The following PCNX1 variants were observed in gnomAD, a reference collection of about 807,000 sequenced individuals.
PCNX1 encodes the protein pecanex 1, also known as pecanex-like protein 1.
Under a neutral mutation model 242.2 loss-of-function variants are expected in PCNX1, and 78 were observed. The observed-to-expected ratio is 0.32, with a 90% CI of 0.27 to 0.39. PCNX1 has a LOEUF of 0.39. Among genes scored for constraint, PCNX1 ranks in the 10% least tolerant of loss-of-function variants. The pLI is 1.00. For missense variants in PCNX1, 2,581 were observed against 2,856.5 expected (o/e 0.90, Z 2.20); for synonymous variants, 1,024 against 1,032.9 (o/e 0.99, Z 0.17).
chr14:71,038,920 T>C (rs2060624798), intron 19 of PCNX1, among the ~76,000 whole-genome samples: 1 of 151,148 alleles, frequency 6.6e-6, no homozygotes, highest in African/African-American at 2.4e-5. Context: ...ATGTCCTTTG[T>C]AGGGACATGG....
rs558318376 is a variant in PCNX1, at chr14:70,995,855, G to A, written c.2559G>A (p.Gly853=). ...SASASLLVRN[G]SVHLEASHDN... ...GTGCCTCCTTGCTGGTGAGAAATGG[G>A]AGTGTCCACTTAGAAGCATCACATG... Residue 853 remains glycine (G), a synonymous_variant, in exon 8 of 36, where the codon GGG becomes GGA. Coordinates refer to ENST00000304743, the MANE Select transcript of PCNX1 (RefSeq NM_014982.3). 17 of 1,614,094 alleles carry A rather than the reference G, an allele frequency of 1.1e-5. No individual in the cohort carries two copies. Among genetic ancestry groups the A allele is most frequent in the Admixed American group, 1.7e-5 (1 of 60,026 alleles).
chr14:70,994,396 G>GATATATATATATGTATATATAT (rs2059267360), intron 7 of PCNX1, among the ~76,000 whole-genome samples: 1 of 96,970 alleles, frequency 1.0e-5, no homozygotes, highest in Non-Finnish European at 2.2e-5. Context: ...ACAGGCTTAA[G>GATATATATATATGTATATATAT]ATATATATAT....
chr14:71,093,153 C>CT (rs375362357), intron 30 of PCNX1: 524 of 152,190 alleles, frequency 3.4e-3, no homozygotes, highest in African/African-American at 0.012. Flanking sequence ...TCATGAAAGT[C>CT]TAGAAAGATT....
chr14:71,050,839 C>CA, intron 23 of PCNX1, 79 bp downstream of exon 23: 2 of 1,303,272 alleles, frequency 1.5e-6, no homozygotes, highest in Non-Finnish European at 1.1e-6. Context: ...CATGACCTTT[C>CA]ATGGTGTAAG....
At position 70,962,292 on chromosome 14, in the gene PCNX1, T is replaced by G; in HGVS notation, c.429T>G (p.Ser143Arg). The change falls in exon 3 of 36, where the codon AGT becomes AGG. Residue 143 changes from serine (S) to arginine (R), a missense_variant. Ser to Arg is a moderately radical substitution (Grantham distance 110). This residue lies in a region of PCNX1 where 1,204 missense variants were observed against 1,216.7 expected (regional missense o/e 0.99). Transcript: ENST00000304743. ...IREATPPVGC[S>R]SRNSYAGLDP... ...AGGCCACACCCCCAGTTGGTTGCAG[T>G]TCCAGAAATTCTTATGCCGGTCTAG... 1 of 1,613,526 alleles carries G rather than the reference T, an allele frequency of 6.2e-7. No homozygotes were observed. Among genetic ancestry groups the G allele is most frequent in the South Asian group, 1.1e-5 (1 of 91,058 alleles).
At chr14:70,998,198 A>G (rs190726356) in intron 8 of PCNX1, among the ~76,000 whole-genome samples, 7 of 152,196 alleles carry the variant, frequency 4.6e-5, no homozygotes, top group Non-Finnish European at 4.4e-5. Flanking sequence ...TGTTTTCTAC[A>G]TCTTTATTTT....
chr14:70,999,626 C>T (rs2059446752), intron 8 of PCNX1, among the ~76,000 whole-genome samples: 1 of 152,080 alleles, frequency 6.6e-6, no homozygotes, highest in South Asian at 2.1e-4. Context: ...TAAGGATTGA[C>T]AAAGGAGGTA....
At chr14:71,084,256 C>T (rs999294037) in intron 28 of PCNX1, among the ~76,000 whole-genome samples, 1 of 152,218 alleles carries the variant, frequency 6.6e-6, no homozygotes, top group Non-Finnish European at 1.5e-5. Context: ...AGGTGCCAGT[C>T]AGAGCTCTCC....
intron 34 of PCNX1, 57 bp downstream of exon 34, chr14:71,109,103 C>T (rs1440347428): frequency 7.2e-7 from 1 of 1,383,464 alleles, no homozygotes; most frequent in Non-Finnish European, 9.8e-7. Context: ...GTTTTTATTT[C>T]TTATTTGTTG....
In PCNX1 at chr14:71,079,199, A is replaced by G. The variant is rs1409577217; in HGVS notation, c.5337+2780A>G. Among the ~76,000 whole-genome samples the G allele has an allele frequency of 3.9e-5, 6 of 152,160 alleles. 1 individual carries two copies. Among genetic ancestry groups the G allele is most frequent in the Admixed American group, 2.6e-4 (4 of 15,282 alleles). ...TGAACTCATCCTTTTTTATGGCTGC[A>G]TAGTATTCCATGTTGTATATGTGTC... On this transcript the variant is annotated intron_variant, in intron 28 of 35. Transcript: ENST00000304743.
At chr14:70,924,044 T>A (rs2056484969) in intron 1 of PCNX1, among the ~76,000 whole-genome samples, 1 of 151,564 alleles carries the variant, frequency 6.6e-6, no homozygotes, top group Non-Finnish European at 1.5e-5. Flanking sequence ...TAGCCTGGGC[T>A]CTATGGGGAA....
intron 2 of PCNX1, among the ~76,000 whole-genome samples, chr14:70,949,071 CGTGTATATATACAT>C (rs900439483): frequency 1.3e-4 from 18 of 138,824 alleles, no homozygotes; most frequent in Non-Finnish European, 3.1e-5. Context: ...TATGTATAGA[CGTGTATATATACAT>C]GTGTATATAT....
At chr14:71,035,956 A>T in intron 18 of PCNX1, 109 bp from the exon 19 acceptor site, 1 of 685,830 alleles carries the variant, frequency 1.5e-6, no homozygotes, top group Non-Finnish European at 2.5e-6. Flanking sequence ...ATACTGACTG[A>T]GCTAGCCAGG....
intron 1 of PCNX1, among the ~76,000 whole-genome samples, chr14:70,939,030 A>C (rs1288772692): frequency 6.6e-6 from 1 of 151,816 alleles, no homozygotes; most frequent in Non-Finnish European, 1.5e-5. Flanking sequence ...TTTCTTCTTT[A>C]TTAGTCTTGC....
intron 3 of PCNX1, among the ~76,000 whole-genome samples, chr14:70,966,350 A>G (rs1396439178): frequency 2.0e-5 from 3 of 152,190 alleles, no homozygotes; most frequent in Non-Finnish European, 4.4e-5. Flanking sequence ...TCAGCAGCCT[A>G]ACGTTAGGCC....
At chr14:70,996,980 G>T (rs1279211732) in intron 8 of PCNX1, among the ~76,000 whole-genome samples, 1 of 152,124 alleles carries the variant, frequency 6.6e-6, no homozygotes, top group African/African-American at 2.4e-5. Context: ...ACAGACACTT[G>T]AAAATGGTAA....
chr14:70,962,175 T>A (rs762341667), intron 2 of PCNX1, 51 bp from the exon 3 acceptor site: 5 of 1,080,384 alleles, frequency 4.6e-6, no homozygotes, highest in Non-Finnish European at 7.2e-6. Context: ...AGGAAAAGCA[T>A]TGGAGTCAGA....
chr14:71,012,996 A>G lies in PCNX1; in HGVS notation c.2790A>G (p.Pro930=), dbSNP rs777047104. 3.2e-5 allele frequency: 51 copies of G among 1,612,526 alleles called. No individual in the cohort carries two copies. Among genetic ancestry groups the G allele is most frequent in the Non-Finnish European group, 3.1e-5 (37 of 1,178,622 alleles). The part of the protein sequence containing the change: ...RFYPHDVLSL[P]QIRLNRLLTI... The stretch of plus-strand genomic sequence containing the variant: ...TGACTTTCTTTTAGCTCTCTCTCCC[A>G]CAGATTCGATTGAATAGACTATTGA... Residue 930 remains proline, a synonymous_variant, in exon 11 of 36, where the codon CCA becomes CCG. Coordinates refer to ENST00000304743, the MANE Select transcript of PCNX1 (RefSeq NM_014982.3).
intron 1 of PCNX1, among the ~76,000 whole-genome samples, chr14:70,911,192 G>A (rs1036463461): frequency 1.3e-5 from 2 of 152,174 alleles, no homozygotes; most frequent in Non-Finnish European, 2.9e-5. Context: ...ACCTCATGAG[G>A]TTTTGCTGTT....
Sources: gnomAD v4.1 joint callset for allele counts (sites outside exome capture counted in the v4.1 genomes callset) on GRCh38, gnomAD v4.1.1 for gene constraint, gnomAD v4.1.1 regional missense constraint, MANE v1.5 for transcripts, NCBI Gene and HGNC (gene_info 2026-07-23, HGNC 2026-07-21) for gene names.